FBXL7: variants seen among roughly 807,000 people sequenced by gnomAD.
FBXL7 encodes F-box and leucine rich repeat protein 7.
A neutral mutation model predicts 38.3 loss-of-function variants in FBXL7; 12 were observed. That is an observed-to-expected ratio of 0.31 (90% CI 0.20 to 0.51). FBXL7 has a LOEUF of 0.51. Ranked by LOEUF, FBXL7 falls within the 20% of genes least tolerant of loss-of-function variation. The pLI, the probability that FBXL7 is intolerant of heterozygous loss-of-function variation, is 0.98. For synonymous variants in FBXL7, 297 were observed against 300.9 expected (o/e 0.99, Z 0.13); for missense variants, 567 against 676.4 (o/e 0.84, Z 1.79).
chr5:15,675,673 T>C (rs993329345), intron 2 of FBXL7, among the ~76,000 whole-genome samples: 1 of 152,212 alleles, frequency 6.6e-6, no homozygotes, highest in Non-Finnish European at 1.5e-5. Context: ...CCTGCTAATA[T>C]GCGGTTTATA....
intron 1 of FBXL7, among the ~76,000 whole-genome samples, chr5:15,557,301 T>G (rs774373367): frequency 3.9e-5 from 6 of 152,184 alleles, no homozygotes; most frequent in African/African-American, 7.2e-5. Context: ...TTATTAGGCT[T>G]TATTGGCCTT....
At chr5:15,571,560 A>G (rs1195620731) in intron 1 of FBXL7, among the ~76,000 whole-genome samples, 1 of 152,082 alleles carries the variant, frequency 6.6e-6, no homozygotes, top group Admixed American at 6.6e-5. Flanking sequence ...CTTGGGAAAT[A>G]TTTTCCCAAG....
At chr5:15,710,352 C>T (rs773385617) in intron 2 of FBXL7, among the ~76,000 whole-genome samples, 7 of 152,074 alleles carry the variant, frequency 4.6e-5, no homozygotes, top group Non-Finnish European at 1.0e-4. Flanking sequence ...AGAAACATGA[C>T]CACCTCAAGG....
intron 2 of FBXL7, among the ~76,000 whole-genome samples, chr5:15,857,136 G>T (rs1038094318): frequency 3.9e-5 from 6 of 152,176 alleles, no homozygotes; most frequent in African/African-American, 1.4e-4. Context: ...GACAGGGATA[G>T]AGATCATTCA....
At chr5:15,765,295 G>A (rs915749974) in intron 2 of FBXL7, among the ~76,000 whole-genome samples, 2 of 152,070 alleles carry the variant, frequency 1.3e-5, no homozygotes, top group Non-Finnish European at 2.9e-5. Flanking sequence ...GAACATGGAT[G>A]ACATTCACAA....
chr5:15,931,015 A>G (rs1742024658), intron 3 of FBXL7, among the ~76,000 whole-genome samples: 1 of 152,220 alleles, frequency 6.6e-6, no homozygotes, highest in Non-Finnish European at 1.5e-5. Context: ...AAGACTCATC[A>G]CTGGTCTAGA....
intron 1 of FBXL7, among the ~76,000 whole-genome samples, chr5:15,611,482 T>C (rs1449175984): frequency 6.6e-6 from 1 of 152,124 alleles, no homozygotes; most frequent in East Asian, 1.9e-4. Flanking sequence ...TCCATTGGCA[T>C]TGAGTTCCAT....
chr5:15,887,696 G>T (rs916943689), intron 2 of FBXL7, among the ~76,000 whole-genome samples: 7 of 152,286 alleles, frequency 4.6e-5, no homozygotes, highest in South Asian at 2.1e-4. Context: ...ACTCATGGGG[G>T]TTGTCACTCC....
intron 2 of FBXL7, among the ~76,000 whole-genome samples, chr5:15,717,309 A>G (rs1237128173): frequency 6.6e-6 from 1 of 152,192 alleles, no homozygotes; most frequent in Admixed American, 6.5e-5. Flanking sequence ...TGATACCCAC[A>G]TTGTCAGTCT....
intron 1 of FBXL7, among the ~76,000 whole-genome samples, chr5:15,523,340 C>T (rs370136543): frequency 3.3e-5 from 5 of 152,192 alleles, no homozygotes; most frequent in East Asian, 1.9e-4. Flanking sequence ...GGATGGATCA[C>T]GAGGTCAGGA....
chr5:15,904,766 A>G (rs1741314994), intron 2 of FBXL7, among the ~76,000 whole-genome samples: 1 of 152,118 alleles, frequency 6.6e-6, no homozygotes, highest in South Asian at 2.1e-4. Context: ...TTAATACATT[A>G]GCCTAAGAAA....
intron 1 of FBXL7, among the ~76,000 whole-genome samples, chr5:15,534,640 T>G (rs1042584724): frequency 4.6e-5 from 7 of 152,214 alleles, no homozygotes; most frequent in African/African-American, 1.7e-4. Context: ...CAGATTTTTG[T>G]GTAGACTTGA....
At chr5:15,863,374 C>T (rs1441564198) in intron 2 of FBXL7, among the ~76,000 whole-genome samples, 1 of 152,068 alleles carries the variant, frequency 6.6e-6, no homozygotes, top group Non-Finnish European at 1.5e-5. Context: ...AGTCTTTTTT[C>T]ATGTGCTTTT....
At chr5:15,584,588 A>G (rs774387580) in intron 1 of FBXL7, among the ~76,000 whole-genome samples, 1 of 152,190 alleles carries the variant, frequency 6.6e-6, no homozygotes, top group Non-Finnish European at 1.5e-5. Context: ...GGTCAAAACC[A>G]TTCAAGTCTC....
At chr5:15,918,753 T>C (rs1741666061) in intron 2 of FBXL7, among the ~76,000 whole-genome samples, 1 of 152,240 alleles carries the variant, frequency 6.6e-6, no homozygotes. Context: ...CTGGTCCATG[T>C]GACCAAGAAA....
chr5:15,670,957 G>A (rs1302681082), intron 2 of FBXL7, among the ~76,000 whole-genome samples: 8 of 152,004 alleles, frequency 5.3e-5, no homozygotes, highest in Admixed American at 2.6e-4. Flanking sequence ...CTTATACCCT[G>A]GTGGAGCTAA....
chr5:15,666,325 A>C (rs1742274780), intron 2 of FBXL7, among the ~76,000 whole-genome samples: 1 of 152,184 alleles, frequency 6.6e-6, no homozygotes, highest in Non-Finnish European at 1.5e-5. Flanking sequence ...TAAGTGTGCA[A>C]TTCAGTGGTA....
At chr5:15,634,183 A>C (rs1398485014) in intron 2 of FBXL7, among the ~76,000 whole-genome samples, 1 of 152,154 alleles carries the variant, frequency 6.6e-6, no homozygotes, top group African/African-American at 2.4e-5. Flanking sequence ...ATTCTGAATA[A>C]TGAACAGGAA....
At chr5:15,518,187 C>A (rs1281650253) in intron 1 of FBXL7, among the ~76,000 whole-genome samples, 2 of 152,050 alleles carry the variant, frequency 1.3e-5, no homozygotes, top group African/African-American at 4.8e-5. Context: ...GACAGGGTTT[C>A]ACCATGTTGG....
Sources: allele counts gnomAD v4.1 joint callset (sites outside exome capture counted in the v4.1 genomes callset), GRCh38; gene constraint gnomAD v4.1.1; transcripts MANE v1.5; gene names NCBI Gene and HGNC (gene_info 2026-07-23, HGNC 2026-07-21).